DOK5: variants seen among roughly 807,000 people sequenced by gnomAD.
DOK5 encodes downstream of tyrosine kinase 5.
DOK5 carries 27 observed loss-of-function variants against 43.3 expected under a neutral mutation model. The observed-to-expected ratio is 0.62, with a 90% CI of 0.46 to 0.86. The LOEUF (loss-of-function observed/expected upper bound fraction) is 0.86. Among genes scored for constraint, DOK5 ranks in the 40% least tolerant of loss-of-function variants. DOK5 has a pLI of 0.00. For missense variants in DOK5, 373 were observed against 392.9 expected, an observed-to-expected ratio of 0.95 and a Z score of 0.43; for synonymous variants, 146 against 140.1, an observed-to-expected ratio of 1.04 and a Z score of -0.30.
At position 54,643,532 on chromosome 20, in the gene DOK5, G is replaced by A. The variant is rs1225748579; in HGVS notation, c.810G>A (p.Gln270=). 2 of 1,613,506 alleles carry A rather than the reference G, an allele frequency of 1.2e-6. No homozygotes were observed. Among genetic ancestry groups the A allele is most frequent in the Non-Finnish European group, 1.7e-6 (2 of 1,180,004 alleles). Residue 270 remains glutamine (Q), a synonymous_variant, in exon 7 of 8, where the codon CAG becomes CAA. Transcript: ENST00000262593. ...CCCTGCCTCGCAGCGCCTACTGGCA[G>A]CACATCACACGGCAGCACAGCACGG... is the stretch of plus-strand genomic sequence containing the variant. The part of the protein sequence containing the change: ...MVPLPRSAYW[Q]HITRQHSTGQ...
At chr20:54,592,600 G>A (rs898287541) in intron 5 of DOK5, among the ~76,000 whole-genome samples, 3 of 151,312 alleles carry the variant, frequency 2.0e-5, no homozygotes, top group Non-Finnish European at 2.9e-5. Context: ...AGTGTAGGTG[G>A]CACAGTCTCG....
At chr20:54,482,379 C>T (rs1981754181) in intron 1 of DOK5, among the ~76,000 whole-genome samples, 2 of 152,324 alleles carry the variant, frequency 1.3e-5, no homozygotes, top group Admixed American at 6.5e-5. Flanking sequence ...CAAACGCTTT[C>T]ATGTTTCATT....
chr20:54,625,855 A>G (rs1987115068), intron 6 of DOK5, among the ~76,000 whole-genome samples: 1 of 152,212 alleles, frequency 6.6e-6, no homozygotes, highest in Non-Finnish European at 1.5e-5. Flanking sequence ...TCTTCAATCA[A>G]TTCATCCATC....
intron 1 of DOK5, among the ~76,000 whole-genome samples, chr20:54,517,973 T>C (rs1983258007): frequency 6.6e-6 from 1 of 152,186 alleles, no homozygotes; most frequent in Admixed American, 6.6e-5. Flanking sequence ...ATCCAGTTTA[T>C]GATGTTTTGT....
At chr20:54,624,956 T>G (rs1354932835) in intron 6 of DOK5, among the ~76,000 whole-genome samples, 4 of 152,138 alleles carry the variant, frequency 2.6e-5, no homozygotes, top group Non-Finnish European at 5.9e-5. Context: ...GCTGCATGTT[T>G]TTTTTTTTCC....
intron 6 of DOK5, among the ~76,000 whole-genome samples, chr20:54,630,069 G>T (rs1439818470): frequency 6.6e-6 from 1 of 152,122 alleles, no homozygotes; most frequent in East Asian, 1.9e-4. Context: ...GATATGCTAA[G>T]TTTGCTTTCG....
At chr20:54,543,329 G>A (rs1984230263) in intron 1 of DOK5, among the ~76,000 whole-genome samples, 1 of 151,640 alleles carries the variant, frequency 6.6e-6, no homozygotes, top group Admixed American at 6.6e-5. Flanking sequence ...GGACAGTGGG[G>A]GGTGGGGTGG....
intron 2 of DOK5, among the ~76,000 whole-genome samples, chr20:54,567,842 T>A (rs1220580453): frequency 2.0e-5 from 3 of 152,200 alleles, no homozygotes; most frequent in Admixed American, 2.0e-4. Context: ...AGAGGCTTTT[T>A]AAAATTTATT....
chr20:54,584,447 A>T (rs1337506159), intron 2 of DOK5, among the ~76,000 whole-genome samples: 1 of 151,588 alleles, frequency 6.6e-6, no homozygotes, highest in East Asian at 1.9e-4. Context: ...CAAAAGCTGA[A>T]CTATTCCACC....
intron 2 of DOK5, among the ~76,000 whole-genome samples, chr20:54,585,939 T>G (rs1985790107): frequency 6.6e-6 from 1 of 152,102 alleles, no homozygotes; most frequent in South Asian, 2.1e-4. Flanking sequence ...CTGGCCAAAA[T>G]GGTGAAACCC....
At chr20:54,530,128 G>A (rs1382504808) in intron 1 of DOK5, among the ~76,000 whole-genome samples, 10 of 152,146 alleles carry the variant, frequency 6.6e-5, no homozygotes, top group Admixed American at 6.6e-4. Flanking sequence ...TTTAAATCAT[G>A]CACAAGTGCC....
intron 1 of DOK5, among the ~76,000 whole-genome samples, chr20:54,552,976 T>C (rs1373204683): frequency 6.6e-6 from 1 of 152,224 alleles, no homozygotes; most frequent in Non-Finnish European, 1.5e-5. Flanking sequence ...AAGGACCAAA[T>C]ATTTTATGTA....
At chr20:54,586,591 T>C (rs916141481) in intron 2 of DOK5, among the ~76,000 whole-genome samples, 2 of 152,192 alleles carry the variant, frequency 1.3e-5, no homozygotes, top group Admixed American at 1.3e-4. Flanking sequence ...TATGTAACTC[T>C]CACTTTTCAG....
At chr20:54,648,064 C>T (rs528525103) in intron 7 of DOK5, among the ~76,000 whole-genome samples, 37 of 152,106 alleles carry the variant, frequency 2.4e-4, no homozygotes, top group African/African-American at 8.4e-4. Context: ...AACAGCTGCC[C>T]GAAAGGGTAT....
At chr20:54,506,622 G>A (rs1054752328) in intron 1 of DOK5, among the ~76,000 whole-genome samples, 2 of 152,142 alleles carry the variant, frequency 1.3e-5, no homozygotes, top group Admixed American at 1.3e-4. Context: ...ACCACGCCTG[G>A]CTAATTTTTA....
intron 1 of DOK5, among the ~76,000 whole-genome samples, chr20:54,501,815 A>G (rs1982620309): frequency 6.6e-6 from 1 of 152,244 alleles, no homozygotes; most frequent in Admixed American, 6.5e-5. Flanking sequence ...AATAAATGCC[A>G]CCAAATGATT....
intron 1 of DOK5, among the ~76,000 whole-genome samples, chr20:54,536,720 T>C (rs1180082923): frequency 2.6e-5 from 4 of 152,172 alleles, no homozygotes; most frequent in African/African-American, 9.7e-5. Context: ...CTCTATACCA[T>C]TCAAACACTA....
Position 54,650,866 on chromosome 20 carries a change from TA to T in DOK5, c.*391del, listed in dbSNP as rs1979665264. On this transcript the variant is annotated 3_prime_UTR_variant, in exon 8 of 8. Coordinates refer to ENST00000262593, the MANE Select transcript of DOK5 (RefSeq NM_018431.5). ...GTTGTATGACAGTCAGTATTGACAA[TA>T]AAATGGCTTTTAATTATTTGTTATT... The T allele has an allele frequency of 6.1e-6, 1 of 163,748 alleles. No individual in the cohort carries two copies. Among genetic ancestry groups the T allele is most frequent in the African/African-American group, 2.4e-5 (1 of 41,794 alleles). The allele number at this position is 163,748 out of a possible 1,614,324, so 10.1% of individuals were successfully genotyped here.
intron 6 of DOK5, among the ~76,000 whole-genome samples, chr20:54,610,894 G>C (rs529341401): frequency 2.0e-5 from 3 of 152,234 alleles, no homozygotes; most frequent in Non-Finnish European, 4.4e-5. Context: ...TGAAAGAAGA[G>C]GGCTGAGGGA....
Sources: gnomAD v4.1 joint callset for allele counts (sites outside exome capture counted in the v4.1 genomes callset) on GRCh38, gnomAD v4.1.1 for gene constraint, MANE v1.5 for transcripts, NCBI Gene and HGNC (gene_info 2026-07-23, HGNC 2026-07-21) for gene names.